ENOX2: variants seen among roughly 807,000 people sequenced by gnomAD.
ENOX2 encodes the protein APK1 antigen.
A neutral mutation model predicts 45.0 loss-of-function variants in ENOX2; 36 were observed. The ratio of observed to expected loss-of-function variants is 0.80; its 90% confidence interval spans 0.61 to 1.06. The LOEUF (loss-of-function observed/expected upper bound fraction) is 1.06, where lower values mean the gene tolerates loss of function less well. ENOX2 is among the 50% of genes least tolerant of loss of function. ENOX2 has a pLI of 0.00. For synonymous variants in ENOX2, 174 were observed against 152.3 expected (o/e 1.14, Z -1.05); for missense variants, 423 against 462.5 (o/e 0.91, Z 0.78).
chrX:130,863,120 A>G (rs2078436654), intron 2 of ENOX2, among the ~76,000 whole-genome samples: 1 of 112,158 alleles, frequency 8.9e-6, no homozygotes, highest in African/African-American at 3.2e-5. Context: ...TTAGGCTAAA[A>G]TGAAGTTTAG....
intron 6 of ENOX2, among the ~76,000 whole-genome samples, chrX:130,674,873 G>T (rs2037097043): frequency 2.1e-5 from 2 of 96,067 alleles, no homozygotes; most frequent in Admixed American, 2.3e-4. Flanking sequence ...GCGGTGTTTG[G>T]TTTTTTGTCC....
intron 4 of ENOX2, among the ~76,000 whole-genome samples, chrX:130,697,344 C>T (rs2037789464): frequency 8.9e-6 from 1 of 112,368 alleles, no homozygotes; most frequent in South Asian, 3.7e-4. Context: ...TCTATTATGA[C>T]ACTTGCAACA....
chrX:130,853,601 T>C (rs1391736765), intron 2 of ENOX2, among the ~76,000 whole-genome samples: 2 of 110,581 alleles, frequency 1.8e-5, no homozygotes, highest in African/African-American at 3.3e-5. Flanking sequence ...CTCATCCCTA[T>C]GAGCAAGCAC....
intron 2 of ENOX2, among the ~76,000 whole-genome samples, chrX:130,828,697 G>A (rs1356916965): frequency 3.6e-5 from 4 of 111,648 alleles, no homozygotes; most frequent in African/African-American, 1.3e-4. Context: ...AGCAAAATAG[G>A]TGCTGCTCCC....
intron 7 of ENOX2, 85 bp from the exon 8 acceptor site, chrX:130,667,827 AT>A: frequency 1.4e-6 from 1 of 736,929 alleles, no homozygotes; most frequent in Non-Finnish European, 2.0e-6. Flanking sequence ...GGGCATCATG[AT>A]TTTTGGCAGT....
chrX:130,883,344 C>A lies in ENOX2; in HGVS notation c.-183+18340G>T, dbSNP rs1260116780. ...CACGCTGGACTCGAACTCCTGACCT[C>A]AAGTGATCCACCCCCCTCGGCCTCC... On this transcript the variant is annotated intron_variant, in intron 2 of 14. Transcript: ENST00000394363. Among the ~76,000 whole-genome samples, 48 of 111,373 alleles carry A rather than the reference C, an allele frequency of 4.3e-4. No homozygotes were observed. In the Admixed American group the frequency reaches 4.5e-3, roughly 10 times the overall value.
intron 2 of ENOX2, among the ~76,000 whole-genome samples, chrX:130,843,328 A>G (rs2078046519): frequency 9.0e-6 from 1 of 111,157 alleles, no homozygotes; most frequent in African/African-American, 3.3e-5. Context: ...CCTTCTCTCA[A>G]TAACAAACAT....
intron 3 of ENOX2, among the ~76,000 whole-genome samples, chrX:130,719,870 C>T (rs1457752811): frequency 8.9e-6 from 1 of 111,824 alleles, no homozygotes; most frequent in African/African-American, 3.3e-5. Context: ...TACTAAGCTT[C>T]TATCTTTAAA....
intron 3 of ENOX2, among the ~76,000 whole-genome samples, chrX:130,725,744 G>C (rs2038590034): frequency 9.0e-6 from 1 of 111,349 alleles, no homozygotes; most frequent in South Asian, 3.8e-4. Context: ...CAGGAAGCTG[G>C]ATAGGACATA....
chrX:130,718,004 C>G (rs1401728755), intron 3 of ENOX2, among the ~76,000 whole-genome samples: 1 of 111,434 alleles, frequency 9.0e-6, no homozygotes, highest in Non-Finnish European at 1.9e-5. Context: ...GCTTTCTGTG[C>G]TGTTTTCTTT....
At chrX:130,835,526 A>G (rs183591234) in intron 2 of ENOX2, among the ~76,000 whole-genome samples, 43 of 111,511 alleles carry the variant, frequency 3.9e-4, no homozygotes, top group African/African-American at 1.3e-3. Context: ...CTGTCTATTT[A>G]ATATTTATTT....
intron 3 of ENOX2, among the ~76,000 whole-genome samples, chrX:130,776,471 G>A (rs1337081478): frequency 9.1e-6 from 1 of 109,732 alleles, no homozygotes; most frequent in Non-Finnish European, 1.9e-5. Flanking sequence ...TGTAAAGTGT[G>A]GCGTCTCCCC....
At chrX:130,762,654 T>C (rs1166646768) in intron 3 of ENOX2, among the ~76,000 whole-genome samples, 2 of 112,305 alleles carry the variant, frequency 1.8e-5, no homozygotes, top group African/African-American at 3.2e-5. Context: ...TTCAAGTCTT[T>C]GGAGATTTTC....
intron 2 of ENOX2, among the ~76,000 whole-genome samples, chrX:130,838,580 C>T (rs913097665): frequency 4.5e-5 from 5 of 111,686 alleles, no homozygotes; most frequent in African/African-American, 1.3e-4. Context: ...CAATATCTAA[C>T]CTTTCTTTAC....
chrX:130,897,992 G>A (rs999970614), intron 2 of ENOX2, among the ~76,000 whole-genome samples: 6 of 111,131 alleles, frequency 5.4e-5, no homozygotes, highest in East Asian at 2.8e-4. Flanking sequence ...GGTGGACACC[G>A]GGAAAACATT....
chrX:130,662,993 G>A (rs1275355548), intron 9 of ENOX2, among the ~76,000 whole-genome samples: 1 of 111,995 alleles, frequency 8.9e-6, no homozygotes, highest in African/African-American at 3.2e-5. Context: ...AGGAAGTTTT[G>A]TTACAATATT....
chrX:130,800,231 A>C (rs1234822896), intron 2 of ENOX2, among the ~76,000 whole-genome samples: 1 of 111,266 alleles, frequency 9.0e-6, no homozygotes, highest in Non-Finnish European at 1.9e-5. Context: ...ATTGTTATTA[A>C]AGCCAAGCAT....
At chrX:130,713,006 A>G (rs1184501535) in intron 3 of ENOX2, among the ~76,000 whole-genome samples, 1 of 112,486 alleles carries the variant, frequency 8.9e-6, no homozygotes, top group Non-Finnish European at 1.9e-5. Flanking sequence ...AGTGATATTT[A>G]TCATTATACT....
intron 4 of ENOX2, among the ~76,000 whole-genome samples, chrX:130,695,270 C>T (rs1015640022): frequency 8.9e-5 from 10 of 112,018 alleles, no homozygotes; most frequent in African/African-American, 2.9e-4. Flanking sequence ...CATGCATTGT[C>T]ACAGTGTTTT....
Sources: gnomAD v4.1 joint callset for allele counts (sites outside exome capture counted in the v4.1 genomes callset) on GRCh38, gnomAD v4.1.1 for gene constraint, MANE v1.5 for transcripts, NCBI Gene and HGNC (gene_info 2026-07-23, HGNC 2026-07-21) for gene names.